ITGA8: variants seen among roughly 807,000 people sequenced by gnomAD.
ITGA8 encodes integrin subunit alpha 8, also known as integrin alpha-8.
Under a neutral mutation model 142.3 loss-of-function variants are expected in ITGA8, and 91 were observed. That is an observed-to-expected ratio of 0.64 (90% CI 0.54 to 0.76). The LOEUF (loss-of-function observed/expected upper bound fraction) is 0.76. ITGA8 is among the 30% of genes least tolerant of loss of function. ITGA8 has a pLI of 0.00. For synonymous variants in ITGA8, 505 were observed against 485.2 expected, an observed-to-expected ratio of 1.04 and a Z score of -0.54; for missense variants, 1,406 against 1,327.7, an observed-to-expected ratio of 1.06 and a Z score of -0.92.
chr10:15,641,428 G>A (rs1463849979), intron 13 of ITGA8, among the ~76,000 whole-genome samples: 3 of 152,170 alleles, frequency 2.0e-5, no homozygotes, highest in Middle Eastern at 3.4e-3. Flanking sequence ...GAATCTAGTC[G>A]CCTGCCTCTA....
At chr10:15,614,168 T>A (rs1329228970) in intron 14 of ITGA8, among the ~76,000 whole-genome samples, 1 of 152,248 alleles carries the variant, frequency 6.6e-6, no homozygotes, top group Non-Finnish European at 1.5e-5. Context: ...TTGTGAGTAC[T>A]TGAAGTTTGC....
At chr10:15,657,934 G>A (rs1461533979) in intron 10 of ITGA8, among the ~76,000 whole-genome samples, 1 of 152,138 alleles carries the variant, frequency 6.6e-6, no homozygotes, top group African/African-American at 2.4e-5. Flanking sequence ...AGATGCAATA[G>A]TTTATGATCA....
intron 2 of ITGA8, among the ~76,000 whole-genome samples, chr10:15,702,006 A>T (rs772325415): frequency 6.6e-5 from 10 of 152,228 alleles, no homozygotes; most frequent in Non-Finnish European, 1.5e-4. Context: ...TCTACAAGAA[A>T]CAAATCCAAG....
chr10:15,519,244 C>G (rs1168721004), intron 29 of ITGA8, 46 bp downstream of exon 29: 1 of 1,606,668 alleles, frequency 6.2e-7, no homozygotes, highest in Non-Finnish European at 8.5e-7. Flanking sequence ...TAAATTCCCT[C>G]AACAGCCCCT....
intron 2 of ITGA8, among the ~76,000 whole-genome samples, chr10:15,697,171 T>C (rs75216541): frequency 1.3e-5 from 2 of 152,128 alleles, no homozygotes; most frequent in Non-Finnish European, 2.9e-5. Context: ...ATCTATAAGA[T>C]AGACTAAGAT....
At chr10:15,549,598 C>G (rs1833756134) in intron 26 of ITGA8, among the ~76,000 whole-genome samples, 2 of 152,184 alleles carry the variant, frequency 1.3e-5, no homozygotes, top group African/African-American at 4.8e-5. Flanking sequence ...CAGAATGATA[C>G]TTCTCTAATT....
intron 13 of ITGA8, among the ~76,000 whole-genome samples, chr10:15,630,142 G>C (rs1167120528): frequency 6.6e-6 from 1 of 152,034 alleles, no homozygotes. Flanking sequence ...ACAGGAGACA[G>C]ATGCCAACAT....
chr10:15,696,011 C>T (rs1355634113), intron 2 of ITGA8, among the ~76,000 whole-genome samples: 2 of 152,172 alleles, frequency 1.3e-5, no homozygotes, highest in African/African-American at 4.8e-5. Context: ...CCAGACTCTG[C>T]GTGAAATTCC....
At chr10:15,671,825 T>C (rs1260083351) in intron 7 of ITGA8, among the ~76,000 whole-genome samples, 178 bp from the exon 8 acceptor site, 1 of 146,328 alleles carries the variant, frequency 6.8e-6, no homozygotes, top group Non-Finnish European at 1.5e-5. Flanking sequence ...GGAACACTTT[T>C]ATACTAAGTC....
intron 13 of ITGA8, among the ~76,000 whole-genome samples, chr10:15,628,663 A>C (rs1194287094): frequency 6.6e-6 from 1 of 151,708 alleles, no homozygotes; most frequent in Non-Finnish European, 1.5e-5. Context: ...ATAAGATCCA[A>C]GAACCCTCTC....
intron 2 of ITGA8, among the ~76,000 whole-genome samples, chr10:15,716,644 T>C (rs953125755): frequency 6.6e-6 from 1 of 151,402 alleles, no homozygotes; most frequent in African/African-American, 2.4e-5. Flanking sequence ...TGCTTTAGAA[T>C]GAACTTGGAA....
At chr10:15,700,621 T>C (rs1241782048) in intron 2 of ITGA8, among the ~76,000 whole-genome samples, 2 of 152,120 alleles carry the variant, frequency 1.3e-5, no homozygotes, top group Admixed American at 1.3e-4. Context: ...ATCAGCAGAA[T>C]TAACAGAAAA....
chr10:15,554,287 G>A (rs1308156673), intron 26 of ITGA8, among the ~76,000 whole-genome samples: 1 of 152,054 alleles, frequency 6.6e-6, no homozygotes, highest in African/African-American at 2.4e-5. Context: ...ACTCCGACCG[G>A]GACCCCCTGA....
intron 8 of ITGA8, among the ~76,000 whole-genome samples, chr10:15,665,634 G>T (rs1418565486): frequency 6.6e-6 from 1 of 152,136 alleles, no homozygotes; most frequent in Non-Finnish European, 1.5e-5. Context: ...TTCTTCTAGG[G>T]TTTTTATGGT....
intron 8 of ITGA8, among the ~76,000 whole-genome samples, chr10:15,663,333 T>A (rs1242169476): frequency 1.3e-5 from 2 of 152,288 alleles, no homozygotes; most frequent in Middle Eastern, 3.4e-3. Context: ...AGTTTAGATA[T>A]CCTCAAAACA....
intron 11 of ITGA8, among the ~76,000 whole-genome samples, chr10:15,654,378 C>A (rs1834145700): frequency 6.6e-6 from 1 of 152,168 alleles, no homozygotes; most frequent in East Asian, 1.9e-4. Flanking sequence ...GATTTCTCTG[C>A]ACCTAGAACA....
intron 2 of ITGA8, among the ~76,000 whole-genome samples, chr10:15,699,278 C>T (rs940197535): frequency 6.6e-6 from 1 of 152,120 alleles, no homozygotes; most frequent in Non-Finnish European, 1.5e-5. Context: ...AGTGAGACTG[C>T]ATCTCAAAAA....
intron 2 of ITGA8, among the ~76,000 whole-genome samples, chr10:15,689,744 C>G (rs886662726): frequency 1.3e-5 from 2 of 152,190 alleles, no homozygotes; most frequent in Non-Finnish European, 2.9e-5. Flanking sequence ...CCATCATTCA[C>G]TATCCTCACA....
intron 23 of ITGA8, among the ~76,000 whole-genome samples, chr10:15,575,954 TGTGTGTGTGA>T (rs1451875906): frequency 6.6e-6 from 1 of 150,824 alleles, no homozygotes; most frequent in East Asian, 1.9e-4. Flanking sequence ...TGTGTGTGTG[TGTGTGTGTGA>T]GTGTGTGTGT....
Sources: allele counts gnomAD v4.1 joint callset (sites outside exome capture counted in the v4.1 genomes callset), GRCh38; gene constraint gnomAD v4.1.1; transcripts MANE v1.5; gene names NCBI Gene and HGNC (gene_info 2026-07-23, HGNC 2026-07-21).